DCAF10: variants seen among roughly 807,000 people sequenced by gnomAD.
DCAF10 encodes DDB1 and CUL4 associated factor 10.
In DCAF10, 19 loss-of-function variants were observed where a neutral mutation model predicts 51.9. That is an observed-to-expected ratio of 0.37 (90% CI 0.26 to 0.54). The LOEUF is 0.54. Among genes scored for constraint, DCAF10 ranks in the 20% least tolerant of loss-of-function variants. The pLI is 0.87. For missense variants in DCAF10, 510 were observed against 730.6 expected (o/e 0.70, Z 3.48); for synonymous variants, 291 against 297.1 (o/e 0.98, Z 0.21).
chr9:37,842,052 T>C (rs768857483), intron 2 of DCAF10, 37 bp from the exon 3 acceptor site: 2 of 1,578,116 alleles, frequency 1.3e-6, no homozygotes, highest in Non-Finnish European at 1.7e-6. Flanking sequence ...TAAAAAGAGA[T>C]TAAATGAACC....
chr9:37,809,348 G>T (rs1207352221), intron 1 of DCAF10, among the ~76,000 whole-genome samples: 3 of 149,790 alleles, frequency 2.0e-5, no homozygotes, highest in Non-Finnish European at 4.4e-5. Context: ...AAAGTTATCT[G>T]CAAATAATAG....
intron 2 of DCAF10, among the ~76,000 whole-genome samples, chr9:37,822,257 C>T (rs1475136743): frequency 6.6e-6 from 1 of 151,974 alleles, no homozygotes; most frequent in Non-Finnish European, 1.5e-5. Context: ...CCAGCAATTC[C>T]ACTACTGGGT....
chr9:37,804,135 C>T (rs1829040197), intron 1 of DCAF10, among the ~76,000 whole-genome samples: 1 of 151,858 alleles, frequency 6.6e-6, no homozygotes, highest in Non-Finnish European at 1.5e-5. Flanking sequence ...AGCAAAGAAA[C>T]TAACTAGAAT....
intron 3 of DCAF10, among the ~76,000 whole-genome samples, chr9:37,842,674 A>G (rs1189597101): frequency 6.6e-6 from 1 of 152,158 alleles, no homozygotes; most frequent in African/African-American, 2.4e-5. Flanking sequence ...AGTAGTTCTC[A>G]TTTGGAATGG....
intron 1 of DCAF10, among the ~76,000 whole-genome samples, chr9:37,807,643 ATTTTC>A (rs1564024019): frequency 6.5e-5 from 9 of 138,392 alleles, no homozygotes; most frequent in East Asian, 2.1e-4. Flanking sequence ...TTACCACTGA[ATTTTC>A]TTTTCTTTTC....
intron 3 of DCAF10, among the ~76,000 whole-genome samples, chr9:37,849,244 G>T (rs191630250): frequency 6.6e-6 from 1 of 152,042 alleles, no homozygotes; most frequent in African/African-American, 2.4e-5. Context: ...ACTAGTTGGT[G>T]CAATAAAAGA....
At chr9:37,848,737 C>T (rs543101670) in intron 3 of DCAF10, among the ~76,000 whole-genome samples, 1 of 144,096 alleles carries the variant, frequency 6.9e-6, no homozygotes, top group Admixed American at 6.8e-5. Context: ...TTTGGGAGGC[C>T]GAGGGAGGGT....
At chr9:37,848,972 CAAA>C (rs11421562) in intron 3 of DCAF10, among the ~76,000 whole-genome samples, 20,746 of 84,630 alleles carry the variant, frequency 0.25, 1,361 homozygotes, top group Middle Eastern at 0.28. Flanking sequence ...GACTCTGTCT[CAAA>C]AAAAAAAAAA....
chr9:37,805,820 C>T (rs766481596), intron 1 of DCAF10, among the ~76,000 whole-genome samples: 4 of 152,226 alleles, frequency 2.6e-5, no homozygotes, highest in Non-Finnish European at 5.9e-5. Flanking sequence ...CGCAGTGGCT[C>T]ACGCCTACAA....
At chr9:37,823,722 G>A (rs1332017449) in intron 2 of DCAF10, among the ~76,000 whole-genome samples, 2 of 151,292 alleles carry the variant, frequency 1.3e-5, no homozygotes, top group African/African-American at 4.9e-5. Flanking sequence ...AAAGAAAAGA[G>A]GTAAAATTAA....
At chr9:37,813,878 A>G (rs1278826016) in intron 1 of DCAF10, among the ~76,000 whole-genome samples, 8 of 151,840 alleles carry the variant, frequency 5.3e-5, no homozygotes, top group Admixed American at 3.3e-4. Flanking sequence ...AATTTGTGCA[A>G]TTGCAGCTGA....
rs777601494 is a variant in DCAF10, at chr9:37,848,226, A to G, written c.851+5940A>G. Among the ~76,000 whole-genome samples, 28 of 152,246 alleles carry G rather than the reference A, an allele frequency of 1.8e-4. 1 individual carries two copies. Among genetic ancestry groups the G allele is most frequent in the Non-Finnish European group, 2.9e-4 (20 of 68,050 alleles). ...CCACCAATTCCACTCCTAGATATCT[A>G]TTCAAGAGAAATGAACATATATGGC... is the stretch of plus-strand genomic sequence containing the variant. On this transcript the variant is annotated intron_variant, in intron 3 of 6. Coordinates refer to ENST00000377724, the MANE Select transcript of DCAF10 (RefSeq NM_024345.5).
rs1428726170 is a variant in DCAF10 at position 37,862,854 on chromosome 9, T to A, written c.*1346T>A. The A allele has an allele frequency of 2.0e-5, 3 of 152,212 alleles. No individual in the cohort carries two copies. Among genetic ancestry groups the A allele is most frequent in the African/African-American group, 7.2e-5 (3 of 41,452 alleles). 9.4% of individuals were successfully genotyped at this position (152,212 alleles called of 1,614,324 possible). The stretch of plus-strand genomic sequence containing the variant: ...GGCCACTGGTTCTCAAACATTAGGG[T>A]GCACTGTAACCATTACAGAGCTTGT... On this transcript the variant is annotated 3_prime_UTR_variant, in exon 7 of 7. Coordinates refer to ENST00000377724, the MANE Select transcript of DCAF10 (RefSeq NM_024345.5).
chr9:37,831,605 T>C (rs2117948832), intron 2 of DCAF10, among the ~76,000 whole-genome samples: 1 of 152,282 alleles, frequency 6.6e-6, no homozygotes, highest in South Asian at 2.1e-4. Flanking sequence ...CATTTCTTAG[T>C]TTTGTAGTTT....
At chr9:37,852,930 TTATATATATATATATATATATA>T (rs59469290) in intron 3 of DCAF10, among the ~76,000 whole-genome samples, 5 of 109,828 alleles carry the variant, frequency 4.6e-5, no homozygotes, top group South Asian at 3.1e-4. Context: ...GTATGTGAGG[TTATATATATATATATATATATA>T]TATATATATA....
rs1045753001 is a variant in DCAF10 at position 37,864,493 on chromosome 9, A to T, written c.*2985A>T. On this transcript the variant is annotated 3_prime_UTR_variant, in exon 7 of 7. Coordinates refer to ENST00000377724, the MANE Select transcript of DCAF10 (RefSeq NM_024345.5). ...CAGCTACTCAGGAGGCTGAGGCAGGAGACTCGCATGAACCTGGGAGGCAGA... is the reference window on the plus strand; with the variant it reads ...CAGCTACTCAGGAGGCTGAGGCAGGTGACTCGCATGAACCTGGGAGGCAGA... The T allele has an allele frequency of 2.0e-5, 3 of 152,054 alleles. No homozygotes were observed. Among genetic ancestry groups the T allele is most frequent in the African/African-American group, 7.3e-5 (3 of 41,276 alleles). The allele number at this position is 152,054 out of a possible 1,614,324, so 9.4% of individuals were successfully genotyped here. A position where few individuals can be genotyped will look rare whatever the true frequency, so the allele number is the denominator to read the frequency against.
At position 37,866,897 on chromosome 9, in the gene DCAF10, C is replaced by A. The variant is rs1831147561; in HGVS notation, c.*5389C>A. The stretch of plus-strand genomic sequence containing the variant: ...ATGCTTTTAAGAAAAAAGAAGAGTA[C>A]AGGAAAAAAATTCAGATAGACATAA... On this transcript the variant is annotated 3_prime_UTR_variant, in exon 7 of 7. Transcript: ENST00000377724. The A allele has an allele frequency of 6.6e-6, 1 of 152,368 alleles. No homozygotes were observed. The highest frequency in any genetic ancestry group is 2.1e-4 in the South Asian group (1 of 4,832). The allele number at this position is 152,368 out of a possible 1,614,324, so 9.4% of individuals were successfully genotyped here.
intron 3 of DCAF10, among the ~76,000 whole-genome samples, chr9:37,844,045 T>C (rs1295199630): frequency 6.6e-6 from 1 of 152,164 alleles, no homozygotes; most frequent in African/African-American, 2.4e-5. Flanking sequence ...AAAGCATTAC[T>C]GATAAAAAGG....
At chr9:37,812,036 C>T (rs949136685) in intron 1 of DCAF10, among the ~76,000 whole-genome samples, 8 of 151,920 alleles carry the variant, frequency 5.3e-5, no homozygotes, top group African/African-American at 4.8e-5. Flanking sequence ...AAAAATTAGC[C>T]GGGTGTGGTG....
Sources: gnomAD v4.1 joint callset for allele counts (sites outside exome capture counted in the v4.1 genomes callset) on GRCh38, gnomAD v4.1.1 for gene constraint, MANE v1.5 for transcripts, NCBI Gene and HGNC (gene_info 2026-07-23, HGNC 2026-07-21) for gene names.